ETHE1: variants seen among roughly 807,000 people sequenced by gnomAD.
ETHE1 encodes ETHE1 persulfide dioxygenase.
Under a neutral mutation model 25.7 loss-of-function variants are expected in ETHE1, and 16 were observed. The ratio of observed to expected loss-of-function variants is 0.62; its 90% CI spans 0.42 to 0.95. ETHE1 has a LOEUF of 0.95. Among genes scored for constraint, ETHE1 ranks in the 40% least tolerant of loss-of-function variants. The pLI, the probability that ETHE1 is intolerant of heterozygous loss-of-function variation, is 0.00. For missense variants in ETHE1, 300 were observed against 333.6 expected, an observed-to-expected ratio of 0.90 and a Z score of 0.79; for synonymous variants, 139 against 135.9, an observed-to-expected ratio of 1.02 and a Z score of -0.16.
intron 3 of ETHE1, 78 bp from the exon 4 acceptor site, chr19:43,511,644 C>A: frequency 6.6e-7 from 1 of 1,524,978 alleles, no homozygotes; most frequent in Non-Finnish European, 8.9e-7. Context: ...CCCCACCCTA[C>A]CCCAGGGTCT....
intron 3 of ETHE1, among the ~76,000 whole-genome samples, chr19:43,524,525 T>C (rs1256162819): frequency 6.6e-6 from 1 of 151,996 alleles, no homozygotes; most frequent in African/African-American, 2.4e-5. Flanking sequence ...GATGTACAAC[T>C]CTGAATATAC....
intron 3 of ETHE1, among the ~76,000 whole-genome samples, chr19:43,519,442 T>C (rs1600006997): frequency 6.6e-6 from 1 of 152,156 alleles, no homozygotes; most frequent in East Asian, 1.9e-4. Flanking sequence ...CTGAAACTTG[T>C]CGAGTGATTT....
At chr19:43,526,429 T>G in intron 2 of ETHE1, 80 bp from the exon 3 acceptor site, 1 of 1,604,056 alleles carries the variant, frequency 6.2e-7, no homozygotes, top group Non-Finnish European at 8.5e-7. Context: ...TCCCTCAGAC[T>G]CAGGAGTTCT....
chr19:43,514,398 C>T (rs1364527811), intron 3 of ETHE1, among the ~76,000 whole-genome samples: 1 of 152,030 alleles, frequency 6.6e-6, no homozygotes, highest in Non-Finnish European at 1.5e-5. Flanking sequence ...TTGCCTTCCA[C>T]CATGATTGGG....
chr19:43,520,589 T>G (rs573806653), intron 3 of ETHE1, among the ~76,000 whole-genome samples: 1 of 151,914 alleles, frequency 6.6e-6, no homozygotes, highest in East Asian at 1.9e-4. Flanking sequence ...TAGTTCCAGC[T>G]ATTTGGAAGC....
chr19:43,519,113 G>A (rs369524955), intron 3 of ETHE1, among the ~76,000 whole-genome samples: 68 of 144,442 alleles, frequency 4.7e-4, no homozygotes, highest in African/African-American at 1.6e-3. Context: ...GGGTGTTCAA[G>A]TGATTCTCAT....
chr19:43,525,994 G>GC, intron 3 of ETHE1: 1 of 653,414 alleles, frequency 1.5e-6, no homozygotes, highest in Non-Finnish European at 2.6e-6. Flanking sequence ...TTCCGCCAGT[G>GC]CCCCACCTGC....
chr19:43,511,393 C>T lies in ETHE1; in HGVS notation c.505+44G>A, dbSNP rs377105767. The T allele has an allele frequency of 3.3e-5, 53 of 1,613,790 alleles. 3 individuals are homozygous for T. The highest frequency in any genetic ancestry group is 2.6e-4 in the South Asian group (24 of 91,072). On this transcript the variant is annotated intron_variant, in intron 4 of 6. Transcript: ENST00000292147. ...CAGATACTTCAACACTTGACACACA[C>T]GTAACTATATGAAGATCTTGGGCTG...
At chr19:43,515,232 T>C (rs1426012408) in intron 3 of ETHE1, among the ~76,000 whole-genome samples, 13 of 151,936 alleles carry the variant, frequency 8.6e-5, no homozygotes, top group Non-Finnish European at 1.9e-4. Context: ...CCCCGGCCAA[T>C]GTGGTGAAAC....
chr19:43,508,901 G>A, intron 4 of ETHE1, 37 bp from the exon 5 acceptor site: 1 of 1,498,378 alleles, frequency 6.7e-7, no homozygotes, highest in South Asian at 1.2e-5. Flanking sequence ...TGGATCAACA[G>A]GACAGAAGAC....
At position 43,506,783 on chromosome 19, in the gene ETHE1, G is replaced by A; in HGVS notation, c.*67C>T. On this transcript the variant is annotated 3_prime_UTR_variant, in exon 7 of 7. Coordinates refer to ENST00000292147, the MANE Select transcript of ETHE1 (RefSeq NM_014297.5). Reference sequence around the variant, plus strand: ...TGCGGTGGGAAAGGAGAGGTGCAGTGTCATTGCCGCCCTCTCCTCCCACCT... The same window carrying A: ...TGCGGTGGGAAAGGAGAGGTGCAGTATCATTGCCGCCCTCTCCTCCCACCT... 6.9e-7 allele frequency: 1 copy of A among 1,442,578 alleles called. No homozygotes were observed. The highest frequency in any genetic ancestry group is 9.7e-7 in the Non-Finnish European group (1 of 1,025,856). 89.4% of individuals were successfully genotyped at this position (1,442,578 alleles called of 1,614,324 possible).
intron 3 of ETHE1, among the ~76,000 whole-genome samples, chr19:43,518,382 A>AG (rs1972065600): frequency 6.6e-6 from 1 of 151,900 alleles, no homozygotes. Context: ...AGAAAAAAAA[A>AG]GCTGTAAAAA....
intron 4 of ETHE1, among the ~76,000 whole-genome samples, chr19:43,510,140 T>TAAA (rs1350171052): frequency 6.6e-6 from 1 of 152,080 alleles, no homozygotes; most frequent in African/African-American, 2.4e-5. Context: ...ACAAGACAGC[T>TAAA]AAATTCCAGG....
intron 3 of ETHE1, among the ~76,000 whole-genome samples, chr19:43,517,295 C>A (rs912434275): frequency 1.3e-5 from 2 of 149,398 alleles, no homozygotes; most frequent in African/African-American, 4.9e-5. Context: ...TGTAAATGTT[C>A]TGACCACTTT....
chr19:43,511,494 C>A lies in ETHE1; in HGVS notation c.448G>T (p.Ala150Ser), dbSNP rs764728802. Residue 150 changes from alanine (A) to serine (S), a missense_variant, in exon 4 of 7, where the codon GCC becomes TCC. Ala to Ser is a moderately conservative substitution (Grantham distance 99). Coordinates refer to ENST00000292147, the MANE Select transcript of ETHE1 (RefSeq NM_014297.5). ...VTFVLNDHSM[A>S]FTGDALLIRG... The stretch of plus-strand genomic sequence containing the variant: ...ATCAACAGGGCATCTCCAGTGAAGG[C>A]CATGCTGTGGTCATTCAGGACGAAG... 1.2e-6 allele frequency: 2 copies of A among 1,614,046 alleles called. No homozygotes were observed. Among genetic ancestry groups the A allele is most frequent in the Non-Finnish European group, 1.7e-6 (2 of 1,180,028 alleles).
chr19:43,526,572 T>C lies in ETHE1; in HGVS notation c.169A>G (p.Thr57Ala). The C allele has an allele frequency of 6.2e-7, 1 of 1,614,036 alleles. No individual in the cohort carries two copies. ...ATCAGCTGGGCATCCCGAGGCGCTGTTTCCAGGACTGGGTCGATCAGAACG... is the reference window on the plus strand; with the variant it reads ...ATCAGCTGGGCATCCCGAGGCGCTGCTTCCAGGACTGGGTCGATCAGAACG... ...EAVLIDPVLE[T>A]APRDAQLIKE... Residue 57 changes from threonine (T) to alanine (A), a missense_variant, in exon 2 of 7, where the codon ACA (threonine) becomes GCA (alanine). Thr to Ala is a moderately conservative substitution (Grantham distance 58). Transcript: ENST00000292147.
intron 3 of ETHE1, among the ~76,000 whole-genome samples, chr19:43,512,334 C>G (rs1971933980): frequency 6.6e-6 from 1 of 152,158 alleles, no homozygotes; most frequent in African/African-American, 2.4e-5. Flanking sequence ...TTCCTAGAGA[C>G]TTGTTGAGTG....
chr19:43,507,952 TGA>T lies in ETHE1; in HGVS notation c.702_703del (p.Gln235AlafsTer32). The T allele has an allele frequency of 6.2e-7, 1 of 1,613,066 alleles. No homozygotes were observed. Among genetic ancestry groups the T allele is most frequent in the Non-Finnish European group, 8.5e-7 (1 of 1,179,578 alleles). Reference sequence around the variant, plus strand: ...GGTCCCCAGCTGCTCACCTATCTGCTGAGGTTTAGGCAAGTTCAGGTTGCCCA... The same window carrying T: ...GGTCCCCAGCTGCTCACCTATCTGCTGGTTTAGGCAAGTTCAGGTTGCCCA... On this transcript the variant is annotated frameshift_variant, in exon 6 of 7. Transcript: ENST00000292147. LOFTEE classifies it high-confidence loss of function.
intron 3 of ETHE1, among the ~76,000 whole-genome samples, chr19:43,521,261 G>A (rs1448541097): frequency 2.0e-5 from 3 of 152,128 alleles, no homozygotes; most frequent in Non-Finnish European, 4.4e-5. Flanking sequence ...AAAGGCGGAG[G>A]TTGCAGTGAG....
Sources: gnomAD v4.1 joint callset for allele counts (sites outside exome capture counted in the v4.1 genomes callset) on GRCh38, gnomAD v4.1.1 for gene constraint, MANE v1.5 for transcripts, NCBI Gene and HGNC (gene_info 2026-07-23, HGNC 2026-07-21) for gene names.